Variants in SEMA5A observed in about 807,000 individuals in gnomAD.
The protein encoded by SEMA5A is semaphorin 5A, also known as semaphorin-5A.
In SEMA5A, 55 loss-of-function variants were observed where a neutral mutation model predicts 135.5. The observed-to-expected ratio is 0.41, with a 90% CI of 0.33 to 0.51. The LOEUF (loss-of-function observed/expected upper bound fraction) is 0.51, where lower values mean the gene tolerates loss of function less well. Ranked by LOEUF, SEMA5A falls within the 20% of genes least tolerant of loss-of-function variation. The pLI is 0.37. For synonymous variants in SEMA5A, 580 were observed against 546.5 expected, an observed-to-expected ratio of 1.06 and a Z score of -0.85; for missense variants, 1,290 against 1,419.9, an observed-to-expected ratio of 0.91 and a Z score of 1.47.
At chr5:9,202,421 C>T (rs1250364431) in intron 8 of SEMA5A, among the ~76,000 whole-genome samples, 181 bp from the exon 9 acceptor site, 1 of 152,210 alleles carries the variant, frequency 6.6e-6, no homozygotes, top group Non-Finnish European at 1.5e-5. Flanking sequence ...AACTCAGTGT[C>T]ATACACAGAT....
At chr5:9,406,594 G>A (rs1313718876) in intron 2 of SEMA5A, among the ~76,000 whole-genome samples, 2 of 152,112 alleles carry the variant, frequency 1.3e-5, no homozygotes, top group Non-Finnish European at 2.9e-5. Context: ...GATATGTCAA[G>A]TATGGATGGC....
intron 7 of SEMA5A, 36 bp downstream of exon 7, chr5:9,226,833 T>C: frequency 6.7e-7 from 1 of 1,498,088 alleles, no homozygotes; most frequent in East Asian, 2.3e-5. Context: ...CCTCTTCTGA[T>C]ATTAAATTCT....
intron 3 of SEMA5A, among the ~76,000 whole-genome samples, chr5:9,359,657 C>T (rs1340555035): frequency 6.6e-6 from 1 of 152,148 alleles, no homozygotes; most frequent in African/African-American, 2.4e-5. Context: ...GTTTTTAAGT[C>T]AAAATTTAAC....
intron 1 of SEMA5A, among the ~76,000 whole-genome samples, chr5:9,504,224 GAA>G (rs756036470): frequency 1.2e-3 from 125 of 104,420 alleles, no homozygotes; most frequent in African/African-American, 4.4e-3. Flanking sequence ...AAAAAAAAAA[GAA>G]AAAAAAAAAA....
intron 16 of SEMA5A, among the ~76,000 whole-genome samples, chr5:9,080,516 C>T (rs1165801407): frequency 1.4e-5 from 2 of 142,290 alleles, no homozygotes; most frequent in Non-Finnish European, 3.0e-5. Context: ...ACGTTCTGCA[C>T]ATGTATCCCA....
chr5:9,444,337 C>A (rs189152230), intron 1 of SEMA5A, among the ~76,000 whole-genome samples: 1 of 152,032 alleles, frequency 6.6e-6, no homozygotes, highest in Admixed American at 6.5e-5. Context: ...TATCCCTCAC[C>A]CGCTTTCCAC....
At chr5:9,414,590 T>A (rs1379983010) in intron 2 of SEMA5A, among the ~76,000 whole-genome samples, 1 of 152,182 alleles carries the variant, frequency 6.6e-6, no homozygotes, top group Non-Finnish European at 1.5e-5. Flanking sequence ...GCAATGACCT[T>A]TACTAGAAAT....
chr5:9,150,129 A>G (rs548507177), intron 12 of SEMA5A, among the ~76,000 whole-genome samples: 3 of 152,112 alleles, frequency 2.0e-5, no homozygotes, highest in Non-Finnish European at 4.4e-5. Context: ...GTGAGTCACC[A>G]CTTCCAGCCT....
chr5:9,109,028 A>ATTTTTTTTTTTTTTTTTTTTT (rs67762219), intron 15 of SEMA5A, among the ~76,000 whole-genome samples: 4 of 92,446 alleles, frequency 4.3e-5, no homozygotes, highest in East Asian at 3.6e-4. Flanking sequence ...TTTCTCTTCA[A>ATTTTTTTTTTTTTTTTTTTTT]TTTTTTTTTT....
chr5:9,467,129 T>TTTTTC (rs1554038951), intron 1 of SEMA5A, among the ~76,000 whole-genome samples: 2 of 151,924 alleles, frequency 1.3e-5, no homozygotes, highest in African/African-American at 4.8e-5. Context: ...CTTTTTTTTT[T>TTTTTC]TGAGACGGAG....
intron 4 of SEMA5A, among the ~76,000 whole-genome samples, chr5:9,334,948 C>A (rs545929401): frequency 1.3e-5 from 2 of 152,266 alleles, no homozygotes; most frequent in East Asian, 1.9e-4. Flanking sequence ...TCCTTCCCAG[C>A]AGACCATGTT....
intron 10 of SEMA5A, among the ~76,000 whole-genome samples, chr5:9,191,505 A>G (rs1745110742): frequency 6.6e-6 from 1 of 152,244 alleles, no homozygotes; most frequent in South Asian, 2.1e-4. Context: ...AGTAGGTTTG[A>G]TGGAAAAGAA....
intron 5 of SEMA5A, among the ~76,000 whole-genome samples, chr5:9,255,834 G>A (rs2150500561): frequency 6.6e-6 from 1 of 152,194 alleles, no homozygotes; most frequent in Non-Finnish European, 1.5e-5. Flanking sequence ...ATATTCCTTG[G>A]CATATCCAAA....
At chr5:9,246,076 C>T (rs774902750) in intron 5 of SEMA5A, among the ~76,000 whole-genome samples, 3 of 152,086 alleles carry the variant, frequency 2.0e-5, no homozygotes, top group Non-Finnish European at 2.9e-5. Flanking sequence ...AAGCATCAAA[C>T]GACTGGTGCA....
intron 18 of SEMA5A, among the ~76,000 whole-genome samples, chr5:9,057,135 G>T (rs1473017782): frequency 6.6e-6 from 1 of 152,128 alleles, no homozygotes; most frequent in African/African-American, 2.4e-5. Context: ...AGAGGGAAGT[G>T]GGGAATTGCT....
intron 5 of SEMA5A, among the ~76,000 whole-genome samples, chr5:9,304,381 T>C (rs960908846): frequency 6.6e-6 from 1 of 152,120 alleles, no homozygotes; most frequent in African/African-American, 2.4e-5. Context: ...CATATCCTTA[T>C]TTTTTGTGAA....
intron 9 of SEMA5A, among the ~76,000 whole-genome samples, chr5:9,197,761 TGTGTGTGTGTGTGTGTGTGTGTG>T (rs1745488557): frequency 7.0e-6 from 1 of 143,402 alleles, no homozygotes; most frequent in Admixed American, 7.3e-5. Flanking sequence ...TGTGTGTGTG[TGTGTGTGTGTGTGTGTGTGTGTG>T]TTTTAACCCA....
chr5:9,431,505 G>A (rs185082311), intron 2 of SEMA5A, among the ~76,000 whole-genome samples: 12 of 152,190 alleles, frequency 7.9e-5, no homozygotes, highest in Admixed American at 6.5e-4. Context: ...TGTGGCCTCG[G>A]AGGCTCAAAA....
Position 9,342,550 on chromosome 5 carries a change from T to C in SEMA5A, c.125-4738A>G, listed in dbSNP as rs142433484. ...GGGGCCAGGGGACGGTGGGTAAAGA[T>C]TGTTGAAAAGCACGGAGAGCAACTT... On this transcript the variant is annotated intron_variant, in intron 3 of 22. Transcript: ENST00000382496. Among the ~76,000 whole-genome samples the C allele has an allele frequency of 4.5e-3, 679 of 152,256 alleles. 20 individuals carry two copies. The highest frequency in any genetic ancestry group is 0.038 in the Admixed American group (588 of 15,290).
Sources: allele counts gnomAD v4.1 joint callset (sites outside exome capture counted in the v4.1 genomes callset), GRCh38; gene constraint gnomAD v4.1.1; transcripts MANE v1.5; gene names NCBI Gene and HGNC (gene_info 2026-07-23, HGNC 2026-07-21).